The following UNC13C variants were observed in gnomAD, a reference collection of about 807,000 sequenced individuals.
UNC13C encodes protein unc-13 homolog C.
UNC13C carries 174 observed loss-of-function variants against 245.4 expected under a neutral mutation model. That is an observed-to-expected ratio of 0.71 (90% CI 0.63 to 0.80). The LOEUF is 0.80. UNC13C is among the 30% of genes least tolerant of loss of function. The probability of loss-of-function intolerance (pLI) is 0.00; values close to 1 mark genes in which losing one functional copy is unlikely to be tolerated. For missense variants in UNC13C, 2,829 were observed against 2,602.9 expected (o/e 1.09, Z -1.89); for synonymous variants, 992 against 895.1 (o/e 1.11, Z -1.93).
chr15:54,250,749 CTTTTTTTTTTT>C (rs1296024773), intron 8 of UNC13C, among the ~76,000 whole-genome samples: 1 of 88,868 alleles, frequency 1.1e-5, no homozygotes, highest in Non-Finnish European at 2.2e-5. Flanking sequence ...TTCTTTCTTT[CTTTTTTTTTTT>C]TTTTTTTTTT....
At chr15:54,456,349 C>G (rs1891523436) in intron 19 of UNC13C, among the ~76,000 whole-genome samples, 1 of 151,832 alleles carries the variant, frequency 6.6e-6, no homozygotes. Context: ...CTTTTTGGTT[C>G]CATATGAACT....
chr15:53,984,643 CATT>C (rs1259006846), intron 1 of UNC13C, among the ~76,000 whole-genome samples: 1 of 152,034 alleles, frequency 6.6e-6, no homozygotes, highest in African/African-American at 2.4e-5. Context: ...GTAAATTTGT[CATT>C]ATCTGTGTAT....
chr15:54,450,104 T>A (rs1891085142), intron 19 of UNC13C, among the ~76,000 whole-genome samples: 1 of 152,152 alleles, frequency 6.6e-6, no homozygotes, highest in Non-Finnish European at 1.5e-5. Flanking sequence ...GAACAGCGAA[T>A]GTTGCTACCT....
chr15:54,080,727 G>C (rs930788902), intron 2 of UNC13C, among the ~76,000 whole-genome samples: 2 of 151,888 alleles, frequency 1.3e-5, no homozygotes, highest in Non-Finnish European at 2.9e-5. Flanking sequence ...GGTTAATCTA[G>C]ATATTGATAT....
At chr15:53,956,928 A>C in the UNC13C span, among the ~76,000 whole-genome samples, 1 of 141,056 alleles carries the variant, frequency 7.1e-6, no homozygotes, top group South Asian at 2.3e-4. Flanking sequence ...CCATGTGTGT[A>C]AAACATGGCA....
At chr15:54,172,732 A>ATATATT in intron 4 of UNC13C, among the ~76,000 whole-genome samples, 1 of 95,236 alleles carries the variant, frequency 1.1e-5, no homozygotes, top group African/African-American at 5.7e-5. Flanking sequence ...ATATATATAT[A>ATATATT]TATATATATA....
At chr15:54,346,669 T>G (rs1188159896) in intron 17 of UNC13C, among the ~76,000 whole-genome samples, 6 of 152,174 alleles carry the variant, frequency 3.9e-5, no homozygotes, top group South Asian at 2.1e-4. Context: ...AGAAGTGTGG[T>G]CTCCGGAGGC....
chr15:54,565,269 G>A (rs1897461268), intron 29 of UNC13C, among the ~76,000 whole-genome samples: 1 of 151,790 alleles, frequency 6.6e-6, no homozygotes, highest in African/African-American at 2.4e-5. Flanking sequence ...AGCAACCACT[G>A]TGTCTCTTTT....
chr15:54,237,553 C>T (rs770898258), intron 6 of UNC13C, 66 bp from the exon 7 acceptor site: 1 of 1,209,512 alleles, frequency 8.3e-7, no homozygotes, highest in Non-Finnish European at 1.2e-6. Flanking sequence ...TTTTCACCTT[C>T]TGCTGAGCAG....
chr15:53,938,212 AAG>A, the UNC13C span, among the ~76,000 whole-genome samples: 28 of 152,188 alleles, frequency 1.8e-4, no homozygotes, highest in Non-Finnish European at 4.0e-4. Flanking sequence ...CAGAAAAAAA[AAG>A]AGTCACATTC....
intron 19 of UNC13C, among the ~76,000 whole-genome samples, chr15:54,426,856 A>T (rs2040770304): frequency 6.6e-6 from 1 of 151,820 alleles, no homozygotes; most frequent in Non-Finnish European, 1.5e-5. Flanking sequence ...ATTAGGTGCT[A>T]CGTGTAAAAT....
upstream of UNC13C, among the ~76,000 whole-genome samples, chr15:53,976,362 CT>C (rs1485792689): frequency 6.6e-6 from 1 of 151,792 alleles, no homozygotes; most frequent in Admixed American, 6.6e-5. Context: ...ATTACCACCC[CT>C]GGTGTGATTC....
At chr15:54,539,811 C>A in intron 26 of UNC13C, among the ~76,000 whole-genome samples, 1 of 151,970 alleles carries the variant, frequency 6.6e-6, no homozygotes, top group East Asian at 1.9e-4. Context: ...ATCTATAAAA[C>A]GGGGCTAATA....
chr15:54,470,753 G>T (rs1480476448), intron 19 of UNC13C, among the ~76,000 whole-genome samples: 2 of 150,676 alleles, frequency 1.3e-5, no homozygotes, highest in Admixed American at 6.6e-5. Flanking sequence ...ATTTATTTAT[G>T]CTTTGATCTT....
intron 8 of UNC13C, among the ~76,000 whole-genome samples, chr15:54,250,749 C>CT (rs1296024773): frequency 0.011 from 935 of 88,934 alleles, 35 homozygotes; most frequent in Non-Finnish European, 0.014. Flanking sequence ...TTCTTTCTTT[C>CT]TTTTTTTTTT....
At chr15:54,078,312 AT>A (rs909886209) in intron 2 of UNC13C, among the ~76,000 whole-genome samples, 28 of 152,132 alleles carry the variant, frequency 1.8e-4, no homozygotes, top group Non-Finnish European at 3.1e-4. Flanking sequence ...GTCCGGCTAT[AT>A]TTTTTTATAG....
chr15:54,332,046 GA>G lies in UNC13C; in HGVS notation c.4434del (p.Lys1478AsnfsTer3), dbSNP rs2140995047. On this transcript the variant is annotated frameshift_variant, in exon 15 of 33. Transcript: ENST00000260323. LOFTEE classifies it high-confidence loss of function. ...ATTTTGTGTTTGCTTTGTACAGAGG[GA>G]AAAATTCATAAAACTACTGGACCAG... ...DRFAATNFGR[E>X]KFIKLLDQLH... is the part of the protein sequence containing the mutation. 6.3e-7 allele frequency: 1 copy of G among 1,577,362 alleles called. No homozygotes were observed. Among genetic ancestry groups the G allele is most frequent in the Non-Finnish European group, 8.6e-7 (1 of 1,159,502 alleles).
chr15:54,224,161 A>G (rs916435798), intron 4 of UNC13C, among the ~76,000 whole-genome samples: 9 of 152,118 alleles, frequency 5.9e-5, no homozygotes, highest in Non-Finnish European at 1.3e-4. Flanking sequence ...TAGGACTTCC[A>G]GTACTACGTT....
At chr15:54,334,782 C>G (rs1305321424) in intron 16 of UNC13C, among the ~76,000 whole-genome samples, 2 of 152,132 alleles carry the variant, frequency 1.3e-5, no homozygotes, top group African/African-American at 4.8e-5. Context: ...TGGCGAGACC[C>G]AATCAAGTTG....
Sources: allele counts gnomAD v4.1 joint callset (sites outside exome capture counted in the v4.1 genomes callset), GRCh38; gene constraint gnomAD v4.1.1; transcripts MANE v1.5; gene names NCBI Gene and HGNC (gene_info 2026-07-23, HGNC 2026-07-21).